KCNT2: variants seen among roughly 807,000 people sequenced by gnomAD.
The protein encoded by KCNT2 is potassium channel subfamily T member 2.
In KCNT2, 67 loss-of-function variants were observed where a neutral mutation model predicts 153.8. The observed-to-expected ratio is 0.44, with a 90% CI of 0.36 to 0.53. KCNT2 has a LOEUF of 0.53. Among genes scored for constraint, KCNT2 ranks in the 20% least tolerant of loss-of-function variants. The probability of loss-of-function intolerance (pLI) is 0.00; values close to 1 mark genes in which losing one functional copy is unlikely to be tolerated. For missense variants in KCNT2, 975 were observed against 1,354.8 expected (o/e 0.72, Z 4.40); for synonymous variants, 500 against 458.8 (o/e 1.09, Z -1.15).
At chr1:196,487,619 A>G (rs191989900) in intron 3 of KCNT2, among the ~76,000 whole-genome samples, 167 of 152,150 alleles carry the variant, frequency 1.1e-3, no homozygotes, top group African/African-American at 3.7e-3. Flanking sequence ...TATACAAAAA[A>G]GAAGAAAAGG....
At chr1:196,576,084 A>ATG (rs1178516513) in intron 1 of KCNT2, among the ~76,000 whole-genome samples, 114 of 151,038 alleles carry the variant, frequency 7.5e-4, no homozygotes, top group African/African-American at 2.7e-3. Flanking sequence ...ATATATATAT[A>ATG]TATATATGTG....
chr1:196,427,955 G>C, intron 10 of KCNT2, 150 bp downstream of exon 10: 1 of 533,742 alleles, frequency 1.9e-6, no homozygotes, highest in South Asian at 3.5e-5. Flanking sequence ...TATGTTCCTG[G>C]TTATATTTGT....
chr1:196,333,094 G>GT (rs199829441), intron 17 of KCNT2, among the ~76,000 whole-genome samples: 10,220 of 141,624 alleles, frequency 0.072, 701 homozygotes, highest in African/African-American at 0.17. Context: ...CCAGCTGCAA[G>GT]TTTTTTTTTT....
Position 196,602,407 on chromosome 1 carries a change from T to A in KCNT2, c.95+5808A>T, listed in dbSNP as rs112086429. Among the ~76,000 whole-genome samples the A allele has an allele frequency of 3.1e-3, 465 of 152,314 alleles. 4 individuals are homozygous for A. The highest frequency in any genetic ancestry group is 0.014 in the Middle Eastern group (4 of 294). ...ATGACAAAAGGATCAATTGCTGTGATCTCAATGTTGGTGTCCCCATGAAAT... is the reference window on the plus strand; with the variant it reads ...ATGACAAAAGGATCAATTGCTGTGAACTCAATGTTGGTGTCCCCATGAAAT... On this transcript the variant is annotated intron_variant, in intron 1 of 27. Transcript: ENST00000294725.
At chr1:196,403,077 G>T (rs577266219) in intron 12 of KCNT2, among the ~76,000 whole-genome samples, 4 of 151,570 alleles carry the variant, frequency 2.6e-5, no homozygotes, top group African/African-American at 9.7e-5. Context: ...ATTTACCTAA[G>T]TGAACAGAAA....
chr1:196,287,923 A>G (rs990740662), intron 22 of KCNT2, among the ~76,000 whole-genome samples: 1 of 152,080 alleles, frequency 6.6e-6, no homozygotes, highest in Non-Finnish European at 1.5e-5. Context: ...AGGCAAAAAC[A>G]CTTGGGTGAA....
chr1:196,533,159 G>A lies in KCNT2; in HGVS notation c.96-40818C>T, dbSNP rs183475231. Among the ~76,000 whole-genome samples, 209 of 152,074 alleles carry A rather than the reference G, an allele frequency of 1.4e-3. 1 individual carries two copies. The highest frequency in any genetic ancestry group is 4.6e-3 in the African/African-American group (189 of 41,502). On this transcript the variant is annotated intron_variant, in intron 1 of 27. Coordinates refer to ENST00000294725, the MANE Select transcript of KCNT2 (RefSeq NM_198503.5). ...TTAAGAATATCATAATTCAACATAG[G>A]TATTACTTGCACCTACTAATATCTT...
At position 196,273,485 on chromosome 1, in the gene KCNT2, G is replaced by A. The variant is rs886920822; in HGVS notation, c.2910+7375C>T. The A allele has an allele frequency of 3.1e-5, 48 of 1,530,256 alleles. No individual in the cohort carries two copies. In the African/African-American group the frequency reaches 3.2e-4, roughly 10 times the overall value. The allele number at this position is 1,530,256 out of a possible 1,614,324, so 94.8% of individuals were successfully genotyped here. On this transcript the variant is annotated intron_variant, in intron 25 of 27. Transcript: ENST00000294725. ...ATACTTACTTGTGATGCTATTTTTC[G>A]AGACTGACACAACGGGAGGGAAAAA... is the stretch of plus-strand genomic sequence containing the variant.
intron 25 of KCNT2, among the ~76,000 whole-genome samples, chr1:196,263,707 T>C (rs945708956): frequency 6.6e-6 from 1 of 152,208 alleles, no homozygotes; most frequent in African/African-American, 2.4e-5. Flanking sequence ...TATTAAGAGA[T>C]AATATTAAAT....
chr1:196,545,929 G>A (rs941117148), intron 1 of KCNT2, among the ~76,000 whole-genome samples: 8 of 151,664 alleles, frequency 5.3e-5, no homozygotes, highest in Non-Finnish European at 7.4e-5. Flanking sequence ...TCCTTTGTAC[G>A]GATATACCAC....
chr1:196,529,909 A>T (rs893521931), intron 1 of KCNT2, among the ~76,000 whole-genome samples: 2 of 152,098 alleles, frequency 1.3e-5, no homozygotes, highest in African/African-American at 4.8e-5. Context: ...ACTCTGGTAA[A>T]CAAAATCAGA....
chr1:196,230,338 A>C (rs1439395559), intron 27 of KCNT2, among the ~76,000 whole-genome samples: 1 of 151,998 alleles, frequency 6.6e-6, no homozygotes, highest in Non-Finnish European at 1.5e-5. Flanking sequence ...AATCTGTTTA[A>C]AGCATAGTTT....
At chr1:196,285,622 C>G (rs1158093328) in intron 23 of KCNT2, 35 bp downstream of exon 23, 2 of 1,309,506 alleles carry the variant, frequency 1.5e-6, no homozygotes, top group East Asian at 2.3e-5. Context: ...CAGAAAACAA[C>G]CATTTTAGAG....
intron 2 of KCNT2, 117 bp downstream of exon 2, chr1:196,492,145 G>GA: frequency 9.4e-7 from 1 of 1,067,318 alleles, no homozygotes; most frequent in Non-Finnish European, 1.2e-6. Flanking sequence ...CCACCTGCTG[G>GA]AAAAAATAAC....
At chr1:196,444,739 C>T (rs758863966) in intron 8 of KCNT2, among the ~76,000 whole-genome samples, 1 of 151,266 alleles carries the variant, frequency 6.6e-6, no homozygotes. Flanking sequence ...AAGACTCTAA[C>T]AGCACAAATG....
chr1:196,253,230 G>A (rs1251321992), intron 26 of KCNT2, among the ~76,000 whole-genome samples: 1 of 151,218 alleles, frequency 6.6e-6, no homozygotes, highest in Admixed American at 6.6e-5. Flanking sequence ...CATTCTATGT[G>A]TTCTTCGAAG....
chr1:196,358,971 A>G (rs1171380187), intron 14 of KCNT2, among the ~76,000 whole-genome samples: 1 of 151,994 alleles, frequency 6.6e-6, no homozygotes, highest in Non-Finnish European at 1.5e-5. Flanking sequence ...AGACTACTCA[A>G]TCTGGGGCCT....
intron 8 of KCNT2, among the ~76,000 whole-genome samples, chr1:196,435,139 GTATATATATATATATATATATATATA>G (rs1166021273): frequency 2.4e-4 from 11 of 45,718 alleles, no homozygotes; most frequent in Non-Finnish European, 3.1e-4. Context: ...GTGTGTGTAT[GTATATATATATATATATATATATATA>G]TATATATATA....
chr1:196,596,054 G>GTATATATATATATA (rs766378425), intron 1 of KCNT2, among the ~76,000 whole-genome samples: 24 of 138,532 alleles, frequency 1.7e-4, no homozygotes, highest in African/African-American at 7.6e-4. Flanking sequence ...ATTCCATGAT[G>GTATATATATATATA]TGTATATATA....
Sources: gnomAD v4.1 joint callset for allele counts (sites outside exome capture counted in the v4.1 genomes callset) on GRCh38, gnomAD v4.1.1 for gene constraint, MANE v1.5 for transcripts, NCBI Gene and HGNC (gene_info 2026-07-23, HGNC 2026-07-21) for gene names.